FEZF2: variants seen among roughly 807,000 people sequenced by gnomAD.
FEZF2 encodes the protein fez family zinc finger protein 2.
A neutral mutation model predicts 32.8 loss-of-function variants in FEZF2; 2 were observed. That is an observed-to-expected ratio of 0.06 (90% CI 0.02 to 0.19). The LOEUF (loss-of-function observed/expected upper bound fraction) is 0.19. Among genes scored for constraint, FEZF2 ranks in the 10% least tolerant of loss-of-function variants. The pLI is 1.00. For synonymous variants in FEZF2, 322 were observed against 284.8 expected, an observed-to-expected ratio of 1.13 and a Z score of -1.32; for missense variants, 516 against 625.4, an observed-to-expected ratio of 0.83 and a Z score of 1.87.
Position 62,372,275 on chromosome 3 carries a change from C to A in FEZF2, c.594G>T (p.Ala198=), listed in dbSNP as rs1463794759. The A allele has an allele frequency of 3.1e-6, 5 of 1,595,088 alleles. No homozygotes were observed. The highest frequency in any genetic ancestry group is 1.7e-5 in the Admixed American group (1 of 57,578). ...GHLFPSGLLN[A]QAPAALAAHP... ...GAGCAGCCAGGGCGGCGGGGGCCTG[C>A]GCATTGAGGAGGCCAGACGGGAAGA... Residue 198 remains alanine (A), a synonymous_variant, in exon 2 of 5, where the codon GCG becomes GCT. Transcript: ENST00000283268. This position sits in a 1 kb window ranked among gnomAD's most constrained non-coding sequence, Gnocchi z 9.6.
In FEZF2 at chr3:62,371,560, G is replaced by C; in HGVS notation, c.960C>G (p.Leu320=). ...CGKGFRQAST[L]CRHKIIHTQE... is the part of the protein sequence containing the mutation. Reference sequence around the variant, plus strand: ...GGGTGTGGATAATTTTGTGCCTGCAGAGCGTGCTGGCCTGGCGAAAGCCTT... The same window carrying C: ...GGGTGTGGATAATTTTGTGCCTGCACAGCGTGCTGGCCTGGCGAAAGCCTT... Residue 320 remains leucine (L), a synonymous_variant, in exon 3 of 5, where the codon CTC becomes CTG. Coordinates refer to ENST00000283268, the MANE Select transcript of FEZF2 (RefSeq NM_018008.4). 6.2e-7 allele frequency: 1 copy of C among 1,613,820 alleles called. No individual in the cohort carries two copies. Among genetic ancestry groups the C allele is most frequent in the Non-Finnish European group, 8.5e-7 (1 of 1,179,860 alleles).
At position 62,370,712 on chromosome 3, in the gene FEZF2, C is replaced by G. The variant is rs1036376691; in HGVS notation, c.1121-370G>C. On this transcript the variant is annotated intron_variant, in intron 4 of 4. Transcript: ENST00000283268. This position sits in a 1 kb window ranked among gnomAD's most constrained non-coding sequence, Gnocchi z 4.2. Reference sequence around the variant, plus strand: ...AAATTCGCACGAACCCGGGCTTCATCCTTTTTCTTTTCCCCCTTCTCATTT... The same window carrying G: ...AAATTCGCACGAACCCGGGCTTCATGCTTTTTCTTTTCCCCCTTCTCATTT... Among the ~76,000 whole-genome samples the G allele has an allele frequency of 6.6e-6, 1 of 152,192 alleles. No homozygotes were observed. The highest frequency in any genetic ancestry group is 1.5e-5 in the Non-Finnish European group (1 of 68,032).
chr3:62,373,163 G>C lies in FEZF2; in HGVS notation c.-59+116C>G, dbSNP rs1704300133. 8 of 327,430 alleles carry C rather than the reference G, an allele frequency of 2.4e-5. No individual in the cohort carries two copies. The highest frequency in any genetic ancestry group is 4.9e-5 in the Admixed American group (1 of 20,348). 20.3% of individuals were successfully genotyped at this position (327,430 alleles called of 1,614,324 possible). A position where few individuals can be genotyped will look rare whatever the true frequency, so the allele number is the denominator to read the frequency against. Reference sequence around the variant, plus strand: ...AAAGGGGGGGGGCGGTGAGAAAAGAGTCTCAAATTAACCCCCCTGAGCCCT... The same window carrying C: ...AAAGGGGGGGGGCGGTGAGAAAAGACTCTCAAATTAACCCCCCTGAGCCCT... On this transcript the variant is annotated intron_variant, in intron 1 of 4. Coordinates refer to ENST00000283268, the MANE Select transcript of FEZF2 (RefSeq NM_018008.4). This position sits in a 1 kb window ranked among gnomAD's most constrained non-coding sequence, Gnocchi z 5.5.
Position 62,370,562 on chromosome 3 carries a change from G to T in FEZF2, c.1121-220C>A, listed in dbSNP as rs535116990. Among the ~76,000 whole-genome samples the T allele has an allele frequency of 2.0e-3, 311 of 152,286 alleles. 1 individual carries two copies. The highest frequency in any genetic ancestry group is 2.6e-3 in the Non-Finnish European group (175 of 68,014). ...ACTGAGTCCCGCGGAGCCGCTCTGC[G>T]CTCCTGCTCTGCCCGCCACAGAGGC... On this transcript the variant is annotated intron_variant, in intron 4 of 4. Transcript: ENST00000283268. This position sits in a 1 kb window ranked among gnomAD's most constrained non-coding sequence, Gnocchi z 4.2.
chr3:62,372,990 C>T lies in FEZF2; in HGVS notation c.-58-64G>A, dbSNP rs926332305. 1 of 967,688 alleles carries T rather than the reference C, an allele frequency of 1.0e-6. No individual in the cohort carries two copies. The allele number at this position is 967,688 out of a possible 1,614,324, so 59.9% of individuals were successfully genotyped here. ...AATAAGCACCTAGTCGGGCCCGGGT[C>T]ACCCATTTGCATTCAAATGAACAGG... On this transcript the variant is annotated intron_variant, in intron 1 of 4. Coordinates refer to ENST00000283268, the MANE Select transcript of FEZF2 (RefSeq NM_018008.4). This position sits in a 1 kb window ranked among gnomAD's most constrained non-coding sequence, Gnocchi z 9.6.
rs1031446827 is a variant in FEZF2 at position 62,370,832 on chromosome 3, C to T, written c.1120+385G>A. ...CAGGGGCCAAGGATCATACCGGTTT[C>T]CCCCAATCTTAGATTGTTCCCGGGA... On this transcript the variant is annotated intron_variant, in intron 4 of 4. Coordinates refer to ENST00000283268, the MANE Select transcript of FEZF2 (RefSeq NM_018008.4). This position sits in a 1 kb window ranked among gnomAD's most constrained non-coding sequence, Gnocchi z 4.2. 1.3e-5 allele frequency among the ~76,000 whole-genome samples: 2 copies of T among 152,206 alleles called. No homozygotes were observed. The highest frequency in any genetic ancestry group is 6.5e-5 in the Admixed American group (1 of 15,280).
intron 2 of FEZF2, 95 bp from the exon 3 acceptor site, chr3:62,371,762 C>T: frequency 5.3e-6 from 8 of 1,515,294 alleles, no homozygotes; most frequent in Non-Finnish European, 7.1e-6. Flanking sequence ...AACCAACACC[C>T]CCTTCAGAAA....
rs778783566 is a variant in FEZF2, at chr3:62,372,718, C to T, written c.151G>A (p.Gly51Arg). The change falls in exon 2 of 5, where the codon GGA becomes AGA. Residue 51 changes from glycine (G) to arginine (R), a missense_variant. Around this residue, in one of 3 missense-constraint regions of FEZF2, gnomAD observed 408 missense variants for 382.2 expected, o/e 1.07. Coordinates refer to ENST00000283268, the MANE Select transcript of FEZF2 (RefSeq NM_018008.4). This position sits in a 1 kb window ranked among gnomAD's most constrained non-coding sequence, Gnocchi z 9.6. ...TGGCTGCCGTCCGCCTCTAGCGCTCCAGGCCGGGGCTCAAAGGGCGCACGG... is the reference window on the plus strand; with the variant it reads ...TGGCTGCCGTCCGCCTCTAGCGCTCTAGGCCGGGGCTCAAAGGGCGCACGG... ...EPRAPFEPRP[G>R]ALEADGSQGK... 20 of 1,609,544 alleles carry T rather than the reference C, an allele frequency of 1.2e-5. No homozygotes were observed. In the East Asian group the frequency reaches 4.3e-4, roughly 34 times the overall value.
At chr3:62,371,874 T>A (rs1704274717) in intron 2 of FEZF2, 143 bp downstream of exon 2, 1 of 1,415,866 alleles carries the variant, frequency 7.1e-7, no homozygotes, top group Admixed American at 2.7e-5. Context: ...AATAGGAAAC[T>A]GAGGCCCAAC....
In FEZF2 at chr3:62,372,662, C is replaced by G. The variant is rs1262494710; in HGVS notation, c.207G>C (p.Pro69=). 1.2e-6 allele frequency: 2 copies of G among 1,606,924 alleles called. No individual in the cohort carries two copies. The highest frequency in any genetic ancestry group is 2.2e-5 in the South Asian group (2 of 90,048). Residue 69 remains proline (P), a synonymous_variant, in exon 2 of 5, where the codon CCG becomes CCC. Coordinates refer to ENST00000283268, the MANE Select transcript of FEZF2 (RefSeq NM_018008.4). This position sits in a 1 kb window ranked among gnomAD's most constrained non-coding sequence, Gnocchi z 9.6. ...GCTGGAGGGGGATCATACAGGGCAG[C>G]GGCGAGCAGAGGTTGAGCAGTTTCT... ...QGKKLLNLCS[P]LPCMIPLQPL... is the part of the protein sequence containing the mutation.
At position 62,370,197 on chromosome 3, in the gene FEZF2, G is replaced by A. The variant is rs1232855100; in HGVS notation, c.1266C>T (p.Cys422=). The A allele has an allele frequency of 3.7e-6, 6 of 1,614,044 alleles. No homozygotes were observed. The highest frequency in any genetic ancestry group is 1.3e-5 in the African/African-American group (1 of 74,910). ...NDKKPFTCAT[C]GKGFCRNFDL... Reference sequence around the variant, plus strand: ...CAAAGTTTCTGCAAAACCCTTTGCCGCAAGTGGCGCACGTGAAAGGCTTCT... The same window carrying A: ...CAAAGTTTCTGCAAAACCCTTTGCCACAAGTGGCGCACGTGAAAGGCTTCT... Residue 422 remains cysteine, a synonymous_variant, in exon 5 of 5, where the codon TGC becomes TGT. Transcript: ENST00000283268. This position sits in a 1 kb window ranked among gnomAD's most constrained non-coding sequence, Gnocchi z 4.2.
rs1039180837 is a variant in FEZF2, at chr3:62,369,899, G to C, written c.*184C>G. 4.5e-6 allele frequency: 3 copies of C among 664,518 alleles called. No homozygotes were observed. The highest frequency in any genetic ancestry group is 3.6e-5 in the African/African-American group (2 of 55,326). The allele number at this position is 664,518 out of a possible 1,614,324, so 41.2% of individuals were successfully genotyped here. A position where few individuals can be genotyped will look rare whatever the true frequency, so the allele number is the denominator to read the frequency against. ...AAGTTTCCTGAATATACAAAGGTGG[G>C]GGCCACGAGTTTGCTGCCAGTCATC... On this transcript the variant is annotated 3_prime_UTR_variant, in exon 5 of 5. Coordinates refer to ENST00000283268, the MANE Select transcript of FEZF2 (RefSeq NM_018008.4). This position sits in a 1 kb window ranked among gnomAD's most constrained non-coding sequence, Gnocchi z 4.2.
Position 62,372,265 on chromosome 3 carries a change from CG to C in FEZF2, c.603del (p.Ala202ProfsTer45). The C allele has an allele frequency of 6.3e-7, 1 of 1,588,094 alleles. No homozygotes were observed. The part of the protein sequence containing the change: ...FPSGLLNAQA[P>X]AALAAHPKLF... ...AGCTTGGGGTGAGCAGCCAGGGCGG[CG>C]GGGGCCTGCGCATTGAGGAGGCCAG... On this transcript the variant is annotated frameshift_variant, in exon 2 of 5. Coordinates refer to ENST00000283268, the MANE Select transcript of FEZF2 (RefSeq NM_018008.4). LOFTEE classifies it high-confidence loss of function. The surrounding 1 kb of genome is among the most constrained non-coding windows in gnomAD (Gnocchi z 9.6).
In FEZF2 at chr3:62,372,521, C is replaced by A. The variant is rs1278119920; in HGVS notation, c.348G>T (p.Gly116=). Residue 116 remains glycine, a synonymous_variant, in exon 2 of 5, where the codon GGG becomes GGT. Coordinates refer to ENST00000283268, the MANE Select transcript of FEZF2 (RefSeq NM_018008.4). The surrounding 1 kb of genome is among the most constrained non-coding windows in gnomAD (Gnocchi z 9.6). ...GGGGGGGGGG[G]GAPVCGASGL... ...CGCTGGCGCCGCACACTGGGGCCCC[C>A]CCGCCGCCGCCGCCGCCACCGCCGC... is the stretch of plus-strand genomic sequence containing the variant. 1.5e-6 allele frequency: 2 copies of A among 1,294,694 alleles called. No homozygotes were observed. The highest frequency in any genetic ancestry group is 2.0e-6 in the Non-Finnish European group (2 of 1,023,096). 80.2% of individuals were successfully genotyped at this position (1,294,694 alleles called of 1,614,324 possible).
In FEZF2 at chr3:62,371,656, A is replaced by G. The variant is rs1025163381; in HGVS notation, c.864T>C (p.Ala288=). 6 of 1,612,394 alleles carry G rather than the reference A, an allele frequency of 3.7e-6. No individual in the cohort carries two copies. Among genetic ancestry groups the G allele is most frequent in the Non-Finnish European group, 4.2e-6 (5 of 1,179,072 alleles). The part of the protein sequence containing the change: ...TCEVCGKVFN[A]HYNLTRHMPV... ...GCATGTGGCGGGTGAGATTATAGTGAGCGTTAAACACCTATGGAAAGACAT... is the reference window on the plus strand; with the variant it reads ...GCATGTGGCGGGTGAGATTATAGTGGGCGTTAAACACCTATGGAAAGACAT... The change falls in exon 3 of 5, where the codon GCT becomes GCC. Residue 288 remains alanine (A), a synonymous_variant. Transcript: ENST00000283268.
rs1283961192 is a variant in FEZF2 at position 62,372,362 on chromosome 3, G to T, written c.507C>A (p.Leu169=). 1 of 1,610,460 alleles carries T rather than the reference G, an allele frequency of 6.2e-7. No individual in the cohort carries two copies. The highest frequency in any genetic ancestry group is 2.2e-5 in the East Asian group (1 of 44,812). ...TCGAGTCCAGGTAGTTGAAGTAGTA[G>T]AGCGAGCCGCTGGCCGGCAGCCCCA... ...QAVGLPASGS[L]YYFNYLDSTA... The change falls in exon 2 of 5, where the codon CTC becomes CTA. Residue 169 remains leucine, a synonymous_variant. Coordinates refer to ENST00000283268, the MANE Select transcript of FEZF2 (RefSeq NM_018008.4). This position sits in a 1 kb window ranked among gnomAD's most constrained non-coding sequence, Gnocchi z 9.6.
chr3:62,369,887 A>G lies in FEZF2; in HGVS notation c.*196T>C. 2 of 609,856 alleles carry G rather than the reference A, an allele frequency of 3.3e-6. No individual in the cohort carries two copies. Among genetic ancestry groups the G allele is most frequent in the Non-Finnish European group, 2.7e-6 (1 of 367,156 alleles). The allele number at this position is 609,856 out of a possible 1,614,324, so 37.8% of individuals were successfully genotyped here. A position where few individuals can be genotyped will look rare whatever the true frequency, so the allele number is the denominator to read the frequency against. On this transcript the variant is annotated 3_prime_UTR_variant, in exon 5 of 5. Transcript: ENST00000283268. The surrounding 1 kb of genome is among the most constrained non-coding windows in gnomAD (Gnocchi z 4.2). ...CTGGATTTAAATAAGTTTCCTGAATATACAAAGGTGGGGGCCACGAGTTTG... is the reference window on the plus strand; with the variant it reads ...CTGGATTTAAATAAGTTTCCTGAATGTACAAAGGTGGGGGCCACGAGTTTG...
In FEZF2 at chr3:62,370,845, A is replaced by G. The variant is rs1704259232; in HGVS notation, c.1120+372T>C. On this transcript the variant is annotated intron_variant, in intron 4 of 4. Transcript: ENST00000283268. The surrounding 1 kb of genome is among the most constrained non-coding windows in gnomAD (Gnocchi z 4.2). ...TCATACCGGTTTCCCCCAATCTTAGATTGTTCCCGGGAGGGTTATTTTGCC... is the reference window on the plus strand; with the variant it reads ...TCATACCGGTTTCCCCCAATCTTAGGTTGTTCCCGGGAGGGTTATTTTGCC... Among the ~76,000 whole-genome samples, 1 of 152,156 alleles carries G rather than the reference A, an allele frequency of 6.6e-6. No homozygotes were observed. The highest frequency in any genetic ancestry group is 1.5e-5 in the Non-Finnish European group (1 of 68,026).
In FEZF2 at chr3:62,371,659, G is replaced by A. The variant is rs750463938; in HGVS notation, c.861C>T (p.Asn287=). 3.7e-6 allele frequency: 6 copies of A among 1,612,190 alleles called. No individual in the cohort carries two copies. The highest frequency in any genetic ancestry group is 5.1e-6 in the Non-Finnish European group (6 of 1,178,934). ...TGTGGCGGGTGAGATTATAGTGAGC[G>A]TTAAACACCTATGGAAAGACATGGG... is the stretch of plus-strand genomic sequence containing the variant. The part of the protein sequence containing the change: ...FTCEVCGKVF[N]AHYNLTRHMP... The change falls in exon 3 of 5, where the codon AAC becomes AAT. Residue 287 remains asparagine, a synonymous_variant. Coordinates refer to ENST00000283268, the MANE Select transcript of FEZF2 (RefSeq NM_018008.4).
Sources: allele counts gnomAD v4.1 joint callset (sites outside exome capture counted in the v4.1 genomes callset), GRCh38; gene constraint gnomAD v4.1.1; regional missense constraint gnomAD v4.1.1; non-coding constraint Gnocchi (gnomAD v3.1); transcripts MANE v1.5; gene names NCBI Gene and HGNC (gene_info 2026-07-23, HGNC 2026-07-21).